Variants in FCHO1 observed in about 807,000 individuals in gnomAD.
The protein encoded by FCHO1 is F-BAR domain only protein 1.
Under a neutral mutation model 114.4 loss-of-function variants are expected in FCHO1, and 45 were observed. The observed-to-expected ratio is 0.39, with a 90% CI of 0.31 to 0.50. FCHO1 has a LOEUF of 0.50. Ranked by LOEUF, FCHO1 falls within the 20% of genes least tolerant of loss-of-function variation. The probability of loss-of-function intolerance (pLI) is 0.77; values close to 1 mark genes in which losing one functional copy is unlikely to be tolerated. For missense variants in FCHO1, 1,042 were observed against 1,209.6 expected, an observed-to-expected ratio of 0.86 and a Z score of 2.06; for synonymous variants, 480 against 488.9, an observed-to-expected ratio of 0.98 and a Z score of 0.24.
rs116198695 is a variant in FCHO1 at position 17,759,136 on chromosome 19, A to T, written c.28-3626A>T. 3.7e-3 allele frequency among the ~76,000 whole-genome samples: 563 copies of T among 151,714 alleles called. 1 individual carries two copies. Among genetic ancestry groups the T allele is most frequent in the Middle Eastern group, 0.017 (5 of 288 alleles). ...TGTGTTGGGACTTAAATGGCATCAG[A>T]TCCCTCCACAAGCCTTCTCTTCCAG... On this transcript the variant is annotated intron_variant, in intron 4 of 28. Transcript: ENST00000596536.
chr19:17,748,266 C>T (rs1257422243), upstream of FCHO1, among the ~76,000 whole-genome samples: 5 of 152,176 alleles, frequency 3.3e-5, no homozygotes, highest in Non-Finnish European at 5.9e-5. Flanking sequence ...GGACCCCTTC[C>T]CTTTTCCTCC....
chr19:17,757,249 G>T lies in FCHO1; in HGVS notation c.27+2058G>T, dbSNP rs906900888. Among the ~76,000 whole-genome samples the T allele has an allele frequency of 2.0e-5, 3 of 151,242 alleles. No homozygotes were observed. In the South Asian group the frequency reaches 6.3e-4, roughly 32 times the overall value. On this transcript the variant is annotated intron_variant, in intron 4 of 28. Transcript: ENST00000596536. ...CAGAGGCCAAGTCTGAAGTCTAGAA[G>T]TTCTGGTGGGAGAGACAGACCTGAG...
At chr19:17,774,711 T>C (rs2092371097) in intron 13 of FCHO1, 1 of 590,682 alleles carries the variant, frequency 1.7e-6, no homozygotes, top group Non-Finnish European at 3.0e-6. Flanking sequence ...AGGCCAGGAA[T>C]TGCCTGTCCC....
At chr19:17,748,715 G>T (rs992055583), upstream of FCHO1, among the ~76,000 whole-genome samples, 9 of 152,196 alleles carry the variant, frequency 5.9e-5, no homozygotes, top group Non-Finnish European at 2.9e-5. Flanking sequence ...AGGAGGCAGT[G>T]TCGAATGGAC....
rs370314485 is a variant in FCHO1, at chr19:17,774,224, C to T, written c.791-15C>T. Reference sequence around the variant, plus strand: ...GTGCCCAGCCCCTCAATTGAGTTTCCGTCTCCTGTCTCAGGACCTCTGGAC... The same window carrying T: ...GTGCCCAGCCCCTCAATTGAGTTTCTGTCTCCTGTCTCAGGACCTCTGGAC... On this transcript the variant is annotated splice_polypyrimidine_tract_variant and intron_variant, in intron 11 of 28. Transcript: ENST00000596536. 27 of 1,613,700 alleles carry T rather than the reference C, an allele frequency of 1.7e-5. No homozygotes were observed. Among genetic ancestry groups the T allele is most frequent in the East Asian group, 6.7e-5 (3 of 44,876 alleles).
intron 20 of FCHO1, 142 bp downstream of exon 20, chr19:17,779,026 C>A (rs2093025974): frequency 1.1e-6 from 1 of 908,266 alleles, no homozygotes; most frequent in South Asian, 1.9e-5. Flanking sequence ...GCAGGGACAA[C>A]AATGAGATGG....
chr19:17,770,441 T>G lies in FCHO1; in HGVS notation c.353T>G (p.Val118Gly). ...KTHKKCKEEV[V>G]STLDAVQVLS... ...ACCCCGCAGTGCAAGGAGGAAGTGG[T>G]GAGCACCTTGGATGCTGTGCAGGTA... is the stretch of plus-strand genomic sequence containing the variant. The change falls in exon 8 of 29, where the codon GTG becomes GGG. Residue 118 changes from valine (V) to glycine (G), a missense_variant. This residue lies in a region of FCHO1 where 450 missense variants were observed against 564.1 expected (regional missense o/e 0.80). Transcript: ENST00000596536. 1 of 1,612,438 alleles carries G rather than the reference T, an allele frequency of 6.2e-7. No individual in the cohort carries two copies. The highest frequency in any genetic ancestry group is 8.5e-7 in the Non-Finnish European group (1 of 1,179,328).
At chr19:17,774,338 G>A (rs949030179) in intron 12 of FCHO1, 55 bp downstream of exon 12, 1 of 1,612,870 alleles carries the variant, frequency 6.2e-7, no homozygotes, top group Non-Finnish European at 8.5e-7. Flanking sequence ...GAGGGAGGCT[G>A]ATCTGAATGT....
intron 7 of FCHO1, among the ~76,000 whole-genome samples, chr19:17,768,495 C>G (rs2146849537): frequency 6.6e-6 from 1 of 152,052 alleles, no homozygotes; most frequent in East Asian, 2.0e-4. Flanking sequence ...AGTTCCAGAC[C>G]AGCCTGGCCA....
Position 17,775,758 on chromosome 19 carries a change from G to A in FCHO1, c.1004-225G>A, listed in dbSNP as rs548788522. On this transcript the variant is annotated intron_variant, in intron 15 of 28. Transcript: ENST00000596536. This position sits in a 1 kb window ranked among gnomAD's most constrained non-coding sequence, Gnocchi z 5.1. ...GCACCAGTGTTGGGGTTTTGCAGCC[G>A]AATAGGAGTTTGCCAGTTAGTTCTG... Among the ~76,000 whole-genome samples, 3 of 151,630 alleles carry A rather than the reference G, an allele frequency of 2.0e-5. No homozygotes were observed. The highest frequency in any genetic ancestry group is 1.9e-4 in the East Asian group (1 of 5,176).
At chr19:17,758,043 G>A (rs1270396663) in intron 4 of FCHO1, among the ~76,000 whole-genome samples, 1 of 151,132 alleles carries the variant, frequency 6.6e-6, no homozygotes, top group African/African-American at 2.4e-5. Flanking sequence ...GTGAAACCCC[G>A]TCTCTACTAA....
intron 5 of FCHO1, among the ~76,000 whole-genome samples, chr19:17,764,037 T>G (rs145996010): frequency 1.4e-4 from 19 of 137,892 alleles, no homozygotes; most frequent in African/African-American, 5.0e-4. Context: ...TCTGAAAGCT[T>G]CTTCATCTTT....
intron 28 of FCHO1, 46 bp from the exon 29 acceptor site, chr19:17,788,238 G>T (rs200153841): frequency 2.9e-6 from 2 of 691,390 alleles, no homozygotes; most frequent in East Asian, 3.6e-5. Context: ...AACCCCTCCC[G>T]TACCCCTCCT....
In FCHO1 at chr19:17,784,884, G is replaced by C. The variant is rs1599791996; in HGVS notation, c.2386G>C (p.Glu796Gln). The C allele has an allele frequency of 1.2e-6, 2 of 1,613,316 alleles. No homozygotes were observed. Among genetic ancestry groups the C allele is most frequent in the Non-Finnish European group, 1.7e-6 (2 of 1,180,010 alleles). ...CGTCCAGATCCTGCTGCCTGTGGGG[G>C]AGCCTGTGACCAACGTCCGCTTGCA... ...TNVQILLPVG[E>Q]PVTNVRLQPA... The change falls in exon 26 of 29, where the codon GAG becomes CAG. Residue 796 changes from glutamate (E) to glutamine (Q), a missense_variant. Physicochemically the swap from Glu to Gln is conservative, Grantham distance 29. This residue lies in a region of FCHO1 where 137 missense variants were observed against 190.0 expected (regional missense o/e 0.72). Transcript: ENST00000596536. This position sits in a 1 kb window ranked among gnomAD's most constrained non-coding sequence, Gnocchi z 5.3.
chr19:17,758,102 C>T (rs143014126), intron 4 of FCHO1, among the ~76,000 whole-genome samples: 1,906 of 151,856 alleles, frequency 0.013, 36 homozygotes, highest in African/African-American at 0.043. Context: ...GTAGTCCCAG[C>T]TATTGAGGAG....
At chr19:17,783,422 C>T (rs749666525) in intron 24 of FCHO1, among the ~76,000 whole-genome samples, 1 of 150,640 alleles carries the variant, frequency 6.6e-6, no homozygotes, top group Non-Finnish European at 1.5e-5. Flanking sequence ...CGTGCCACTA[C>T]ACCCAGCTAA....
intron 7 of FCHO1, 95 bp downstream of exon 7, chr19:17,766,905 T>G: frequency 3.1e-6 from 4 of 1,298,592 alleles, no homozygotes; most frequent in Non-Finnish European, 4.3e-6. Context: ...AACCTGCGGA[T>G]GTCCGCCTCC....
In FCHO1 at chr19:17,761,036, C is replaced by A. The variant is rs577071643; in HGVS notation, c.28-1726C>A. ...CACACAGTGCAGCCCTGGCCTCCCC[C>A]ACCATGACAACCCCAGAAATTGGAG... is the stretch of plus-strand genomic sequence containing the variant. On this transcript the variant is annotated intron_variant, in intron 4 of 28. Transcript: ENST00000596536. 4.6e-5 allele frequency among the ~76,000 whole-genome samples: 7 copies of A among 152,272 alleles called. No individual in the cohort carries two copies. The East Asian group carries it at 1.3e-3, about 29-fold the overall frequency.
At position 17,786,644 on chromosome 19, in the gene FCHO1, T is replaced by A; in HGVS notation, c.2482+15T>A. ...CGAGGCAGGCGGTGAGCTGTGGTTG[T>A]GTATGAGGGCTGGGTGGGAGGGACT... On this transcript the variant is annotated intron_variant, in intron 27 of 28. Coordinates refer to ENST00000596536, the MANE Select transcript of FCHO1 (RefSeq NM_015122.3). The A allele has an allele frequency of 6.3e-7, 1 of 1,590,574 alleles. No individual in the cohort carries two copies. Among genetic ancestry groups the A allele is most frequent in the East Asian group, 2.3e-5 (1 of 44,372 alleles).
Sources: gnomAD v4.1 joint callset for allele counts (sites outside exome capture counted in the v4.1 genomes callset) on GRCh38, gnomAD v4.1.1 for gene constraint, gnomAD v4.1.1 regional missense constraint, Gnocchi (gnomAD v3.1) non-coding constraint, MANE v1.5 for transcripts, NCBI Gene and HGNC (gene_info 2026-07-23, HGNC 2026-07-21) for gene names.